The following MAP2K5 variants were observed in gnomAD, a reference collection of about 807,000 sequenced individuals.
MAP2K5 encodes mitogen-activated protein kinase kinase 5.
MAP2K5 carries 49 observed loss-of-function variants against 83.1 expected under a neutral mutation model. The ratio of observed to expected loss-of-function variants is 0.59; its 90% CI spans 0.47 to 0.75. The LOEUF is 0.75. Ranked by LOEUF, MAP2K5 falls within the 30% of genes least tolerant of loss-of-function variation. The pLI is 0.00. For missense variants in MAP2K5, 457 were observed against 557.5 expected (o/e 0.82, Z 1.82); for synonymous variants, 202 against 191.8 (o/e 1.05, Z -0.44).
At chr15:67,607,483 A>C (rs1057480328) in intron 8 of MAP2K5, among the ~76,000 whole-genome samples, 1 of 152,192 alleles carries the variant, frequency 6.6e-6, no homozygotes, top group African/African-American at 2.4e-5. Context: ...TGTTCCTGTA[A>C]CTTCATACAT....
intron 9 of MAP2K5, chr15:67,642,636 A>G (rs1163367059): frequency 5.9e-6 from 4 of 672,362 alleles, no homozygotes; most frequent in Admixed American, 2.3e-5. Context: ...GTAAGTAGGG[A>G]AAGCACAGGA....
At chr15:67,628,068 G>A in intron 8 of MAP2K5, 1 of 735,690 alleles carries the variant, frequency 1.4e-6, no homozygotes, top group South Asian at 1.3e-5. Flanking sequence ...AGCCATGAAT[G>A]CAAGGCCACG....
At chr15:67,805,842 C>A (rs3784719) in intron 21 of MAP2K5, among the ~76,000 whole-genome samples, 2 of 152,166 alleles carry the variant, frequency 1.3e-5, no homozygotes, top group South Asian at 4.1e-4. Context: ...CTGACTGTGG[C>A]CTGGTAACCC....
At chr15:67,688,606 A>G (rs908433267) in intron 13 of MAP2K5, among the ~76,000 whole-genome samples, 19 of 152,230 alleles carry the variant, frequency 1.2e-4, no homozygotes, top group Admixed American at 8.5e-4. Context: ...TGAAATATAC[A>G]ACTTTTTCTA....
chr15:67,798,026 G>A (rs1254420766), intron 21 of MAP2K5, among the ~76,000 whole-genome samples: 1 of 152,176 alleles, frequency 6.6e-6, no homozygotes, highest in Non-Finnish European at 1.5e-5. Context: ...CAGAGGACAA[G>A]GGAGAATCCA....
intron 8 of MAP2K5, chr15:67,629,015 T>C: frequency 1.3e-6 from 1 of 757,416 alleles, no homozygotes; most frequent in Non-Finnish European, 2.4e-6. Context: ...GAGGAAACTT[T>C]GGAGGCAGAA....
intron 8 of MAP2K5, among the ~76,000 whole-genome samples, chr15:67,618,578 C>G (rs4776948): frequency 6.6e-6 from 1 of 152,130 alleles, no homozygotes; most frequent in African/African-American, 2.4e-5. Context: ...TATCTAAAAC[C>G]GAGCTCTTTA....
intron 17 of MAP2K5, among the ~76,000 whole-genome samples, chr15:67,743,135 A>C (rs1490667546): frequency 6.6e-6 from 1 of 152,202 alleles, no homozygotes; most frequent in African/African-American, 2.4e-5. Context: ...TGCTAAATTC[A>C]GGGATATGTA....
At position 67,592,841 on chromosome 15, in the gene MAP2K5, G is replaced by A. The variant is rs1217408522; in HGVS notation, c.432-85G>A. On this transcript the variant is annotated intron_variant, in intron 6 of 21. Transcript: ENST00000178640. ...ATATGCTCAATCCCTATATGTAAAA[G>A]CAAAGGTGTATTTCAGTCTGGAATT... 28 of 919,342 alleles carry A rather than the reference G, an allele frequency of 3.0e-5. No homozygotes were observed. The East Asian group carries it at 3.5e-4, about 11-fold the overall frequency. The allele number at this position is 919,342 out of a possible 1,614,324, so 56.9% of individuals were successfully genotyped here.
In MAP2K5 at chr15:67,749,764, T is replaced by C. The variant is rs995455828; in HGVS notation, c.1134+1163T>C. On this transcript the variant is annotated intron_variant, in intron 19 of 21. Transcript: ENST00000178640. This position sits in a 1 kb window ranked among gnomAD's most constrained non-coding sequence, Gnocchi z 4.6. ...AAATATCAGACAGACCTCCTGGATC[T>C]AATAGCTCATCAATATCCTCTATTA... Among the ~76,000 whole-genome samples the C allele has an allele frequency of 2.6e-5, 4 of 152,210 alleles. No individual in the cohort carries two copies. Among genetic ancestry groups the C allele is most frequent in the Non-Finnish European group, 5.9e-5 (4 of 68,032 alleles).
intron 16 of MAP2K5, among the ~76,000 whole-genome samples, chr15:67,705,925 A>G (rs2088541149): frequency 6.6e-6 from 1 of 152,144 alleles, no homozygotes; most frequent in Admixed American, 6.5e-5. Context: ...TAACAAGGGG[A>G]AAAGTGGGAA....
rs915128414 is a variant in MAP2K5, at chr15:67,727,788, G to A, written c.1045-128G>A. ...TGTAATTACAGCAATAATTTAGTTT[G>A]TACATTCAAGGTTGTGAACTTTTTT... On this transcript the variant is annotated intron_variant, in intron 16 of 21. Coordinates refer to ENST00000178640, the MANE Select transcript of MAP2K5 (RefSeq NM_145160.3). 4.0e-5 allele frequency: 31 copies of A among 765,654 alleles called. No homozygotes were observed. The African/African-American group carries it at 5.0e-4, about 12-fold the overall frequency. The allele number at this position is 765,654 out of a possible 1,614,324, so 47.4% of individuals were successfully genotyped here.
In MAP2K5 at chr15:67,793,587, C is replaced by T. The variant is rs967672587; in HGVS notation, c.1243-13059C>T. 1.3e-5 allele frequency among the ~76,000 whole-genome samples: 2 copies of T among 152,116 alleles called. No homozygotes were observed. The highest frequency in any genetic ancestry group is 2.9e-5 in the Non-Finnish European group (2 of 68,002). On this transcript the variant is annotated intron_variant, in intron 21 of 21. Coordinates refer to ENST00000178640, the MANE Select transcript of MAP2K5 (RefSeq NM_145160.3). This position sits in a 1 kb window ranked among gnomAD's most constrained non-coding sequence, Gnocchi z 4.6. ...CAAGTCTAAAATACAAGAAAGCTGG[C>T]TTAAGGAAAAGCTTGAGGCACTACC...
At chr15:67,608,634 G>A (rs1262809330) in intron 8 of MAP2K5, among the ~76,000 whole-genome samples, 1 of 152,152 alleles carries the variant, frequency 6.6e-6, no homozygotes, top group African/African-American at 2.4e-5. Context: ...AGAAGTGTTT[G>A]AAAGGAATTG....
At chr15:67,580,211 G>A (rs2085150078) in intron 3 of MAP2K5, among the ~76,000 whole-genome samples, 1 of 152,160 alleles carries the variant, frequency 6.6e-6, no homozygotes, top group East Asian at 1.9e-4. Flanking sequence ...TAAAAGGTAT[G>A]TTTGTTTGAA....
intron 15 of MAP2K5, among the ~76,000 whole-genome samples, chr15:67,696,384 T>G (rs1405107652): frequency 3.3e-5 from 5 of 152,060 alleles, no homozygotes; most frequent in Non-Finnish European, 7.4e-5. Flanking sequence ...AGTGGCAGAG[T>G]TGAGTAGTTG....
intron 17 of MAP2K5, among the ~76,000 whole-genome samples, chr15:67,734,655 C>A (rs536355724): frequency 6.6e-6 from 1 of 152,206 alleles, no homozygotes; most frequent in African/African-American, 2.4e-5. Flanking sequence ...CCACAGATAT[C>A]ATTATCTTAT....
chr15:67,700,723 T>C (rs938112645), intron 15 of MAP2K5, among the ~76,000 whole-genome samples: 5 of 151,946 alleles, frequency 3.3e-5, no homozygotes, highest in Non-Finnish European at 7.4e-5. Flanking sequence ...ACCTTAAGAG[T>C]TGTTTAGGAT....
intron 8 of MAP2K5, among the ~76,000 whole-genome samples, chr15:67,603,800 G>A (rs760109337): frequency 1.2e-4 from 18 of 152,148 alleles, no homozygotes; most frequent in Non-Finnish European, 2.5e-4. Flanking sequence ...TAATGGTGTT[G>A]ATGATAAAAA....
Sources: gnomAD v4.1 joint callset for allele counts (sites outside exome capture counted in the v4.1 genomes callset) on GRCh38, gnomAD v4.1.1 for gene constraint, Gnocchi (gnomAD v3.1) non-coding constraint, MANE v1.5 for transcripts, NCBI Gene and HGNC (gene_info 2026-07-23, HGNC 2026-07-21) for gene names.